The following CDH1 variants were observed in gnomAD, a reference collection of about 807,000 sequenced individuals.
CDH1 encodes cadherin 1, also known as cadherin-1.
CDH1 carries 35 observed loss-of-function variants against 84.5 expected under a neutral mutation model. That is an observed-to-expected ratio of 0.41 (90% confidence interval 0.32 to 0.55). CDH1 has a LOEUF of 0.55. CDH1 is among the 20% of genes least tolerant of loss of function. The pLI is 0.19. For synonymous variants in CDH1, 417 were observed against 439.0 expected (o/e 0.95, Z 0.63); for missense variants, 994 against 1,126.6 (o/e 0.88, Z 1.68).
rs1961580148 is a variant in CDH1 at position 68,834,294 on chromosome 16, C to T, written c.*795C>T. 1 of 511,510 alleles carries T rather than the reference C, an allele frequency of 2.0e-6. No homozygotes were observed. The highest frequency in any genetic ancestry group is 3.8e-6 in the Non-Finnish European group (1 of 260,738). 31.7% of individuals were successfully genotyped at this position (511,510 alleles called of 1,614,324 possible). On this transcript the variant is annotated 3_prime_UTR_variant, in exon 16 of 16. Transcript: ENST00000261769. ...TGCCATTTTTTAAGAGACAGTTTCGCTCCATCGCCCAGGCCTGGGATGCAG... is the reference window on the plus strand; with the variant it reads ...TGCCATTTTTTAAGAGACAGTTTCGTTCCATCGCCCAGGCCTGGGATGCAG...
chr16:68,759,413 G>T (rs115533988), intron 2 of CDH1, among the ~76,000 whole-genome samples: 212 of 151,416 alleles, frequency 1.4e-3, no homozygotes, highest in African/African-American at 5.1e-3. Context: ...AACTGTTCAT[G>T]TATGATCTTG....
rs894091133 is a variant in CDH1, at chr16:68,829,850, G to A, written c.2439+53G>A. ...CATGGCTCATCTCTAAGCTCAGGAGGAGTTGTGTCAAAAATGAGAAAAAGA... is the reference window on the plus strand; with the variant it reads ...CATGGCTCATCTCTAAGCTCAGGAGAAGTTGTGTCAAAAATGAGAAAAAGA... On this transcript the variant is annotated intron_variant, in intron 15 of 15. Coordinates refer to ENST00000261769, the MANE Select transcript of CDH1 (RefSeq NM_004360.5). The A allele has an allele frequency of 5.0e-5, 79 of 1,572,614 alleles. No homozygotes were observed. Among genetic ancestry groups the A allele is most frequent in the Middle Eastern group, 1.7e-4 (1 of 5,910 alleles).
At position 68,745,545 on chromosome 16, in the gene CDH1, A is replaced by T. The variant is rs1205283261; in HGVS notation, c.163+7134A>T. Among the ~76,000 whole-genome samples, 174 of 19,442 alleles carry T rather than the reference A, an allele frequency of 8.9e-3. 1 individual carries two copies. The highest frequency in any genetic ancestry group is 0.015 in the African/African-American group (145 of 9,378). The allele number at this position is 19,442 out of a possible 152,430, so 12.8% of individuals were successfully genotyped here. A position where few individuals can be genotyped will look rare whatever the true frequency, so the allele number is the denominator to read the frequency against. On this transcript the variant is annotated intron_variant, in intron 2 of 15. Coordinates refer to ENST00000261769, the MANE Select transcript of CDH1 (RefSeq NM_004360.5). ...AGAGATCCTGTCTCAAAAAAAAAAA[A>T]AAAAATATATATATATATGTATATA...
chr16:68,823,635 A>C lies in CDH1; in HGVS notation c.2164+9A>C, dbSNP rs1596966209. 4 of 1,578,728 alleles carry C rather than the reference A, an allele frequency of 2.5e-6. No individual in the cohort carries two copies. The highest frequency in any genetic ancestry group is 3.5e-6 in the Non-Finnish European group (4 of 1,152,230). On this transcript the variant is annotated intron_variant, in intron 13 of 15. Coordinates refer to ENST00000261769, the MANE Select transcript of CDH1 (RefSeq NM_004360.5). The stretch of plus-strand genomic sequence containing the variant: ...AATTCTTGCTTTGCTAAGTAAGTCC[A>C]GCTGGCAAGTGACTCAGCCTTTGAC...
At position 68,773,500 on chromosome 16, in the gene CDH1, T is replaced by C. The variant is rs555110970; in HGVS notation, c.164-28170T>C. Reference sequence around the variant, plus strand: ...TTTTAGTACAGACGGGGTTTCGCCATGTTGGCCAGGCTGGTCTCGAACTCC... The same window carrying C: ...TTTTAGTACAGACGGGGTTTCGCCACGTTGGCCAGGCTGGTCTCGAACTCC... On this transcript the variant is annotated intron_variant, in intron 2 of 15. Transcript: ENST00000261769. Among the ~76,000 whole-genome samples the C allele has an allele frequency of 3.3e-5, 5 of 152,312 alleles. No homozygotes were observed. The East Asian group carries it at 9.7e-4, about 29-fold the overall frequency.
At chr16:68,769,554 C>T (rs1959488643) in intron 2 of CDH1, among the ~76,000 whole-genome samples, 1 of 151,932 alleles carries the variant, frequency 6.6e-6, no homozygotes, top group Non-Finnish European at 1.5e-5. Context: ...AGAGATCCTC[C>T]CGCTTCAGTC....
chr16:68,766,591 A>G (rs1959395777), intron 2 of CDH1, among the ~76,000 whole-genome samples: 1 of 152,250 alleles, frequency 6.6e-6, no homozygotes, highest in African/African-American at 2.4e-5. Flanking sequence ...AATTACAATT[A>G]GTTATTACTG....
At chr16:68,760,111 T>G (rs1263852632) in intron 2 of CDH1, among the ~76,000 whole-genome samples, 1 of 147,860 alleles carries the variant, frequency 6.8e-6, no homozygotes, top group Non-Finnish European at 1.5e-5. Context: ...TTAATTTTTT[T>G]TTTTTGAGAT....
intron 2 of CDH1, among the ~76,000 whole-genome samples, chr16:68,789,355 TC>T (rs1444940395): frequency 6.6e-6 from 1 of 151,764 alleles, no homozygotes; most frequent in Admixed American, 6.6e-5. Flanking sequence ...TAGAATAATG[TC>T]CAGAACCTAA....
chr16:68,810,933 C>T (rs8059087), intron 6 of CDH1, among the ~76,000 whole-genome samples: 148,787 of 152,008 alleles, frequency 0.98, 72,834 homozygotes, highest in East Asian at 1. Flanking sequence ...TTCAAACTCC[C>T]GGGCCCAAGC....
chr16:68,783,406 AAAAAAG>A (rs1403869324), intron 2 of CDH1, among the ~76,000 whole-genome samples: 5 of 133,984 alleles, frequency 3.7e-5, no homozygotes, highest in Non-Finnish European at 6.6e-5. Context: ...AAAAAAAAAG[AAAAAAG>A]AAAAAAAGAA....
chr16:68,824,859 A>C (rs1011570662), intron 13 of CDH1, among the ~76,000 whole-genome samples: 4 of 152,244 alleles, frequency 2.6e-5, no homozygotes, highest in African/African-American at 4.8e-5. Context: ...CAAAAGACAA[A>C]GTATCCATAT....
chr16:68,815,510 T>A lies in CDH1; in HGVS notation c.1321-5T>A. ...GTTTTTAACTTCATTGTTTCTGCTCTCTAGGGCTTGGATTTTGAGGCCAAG... is the reference window on the plus strand; with the variant it reads ...GTTTTTAACTTCATTGTTTCTGCTCACTAGGGCTTGGATTTTGAGGCCAAG... On this transcript the variant is annotated splice_region_variant and splice_polypyrimidine_tract_variant and intron_variant, in intron 9 of 15. Transcript: ENST00000261769. The A allele has an allele frequency of 6.2e-7, 1 of 1,614,224 alleles. No homozygotes were observed.
At chr16:68,816,183 A>G (rs1458865644) in intron 10 of CDH1, among the ~76,000 whole-genome samples, 1 of 152,066 alleles carries the variant, frequency 6.6e-6, no homozygotes, top group East Asian at 1.9e-4. Context: ...ACGCCCGGCT[A>G]ATTTTTGTAT....
chr16:68,832,833 A>C (rs1961520367), intron 15 of CDH1, among the ~76,000 whole-genome samples: 2 of 152,138 alleles, frequency 1.3e-5, no homozygotes, highest in Non-Finnish European at 2.9e-5. Context: ...AAAAAAAAGA[A>C]AAAGAAAAAA....
At chr16:68,744,175 G>C (rs1962664338) in intron 2 of CDH1, among the ~76,000 whole-genome samples, 1 of 152,136 alleles carries the variant, frequency 6.6e-6, no homozygotes, top group Non-Finnish European at 1.5e-5. Context: ...TATGGACTTG[G>C]TCCAGCCCTT....
At chr16:68,787,107 T>C (rs903888048) in intron 2 of CDH1, among the ~76,000 whole-genome samples, 13 of 152,240 alleles carry the variant, frequency 8.5e-5, no homozygotes, top group Non-Finnish European at 1.0e-4. Flanking sequence ...TTGGAAAATG[T>C]GGCCCTAGAT....
intron 15 of CDH1, among the ~76,000 whole-genome samples, chr16:68,831,505 G>A (rs1336464534): frequency 2.6e-5 from 4 of 151,442 alleles, no homozygotes; most frequent in Non-Finnish European, 5.9e-5. Context: ...AAAGAAACCA[G>A]TTTAACCATG....
chr16:68,740,476 A>T lies in CDH1; in HGVS notation c.163+2065A>T, dbSNP rs141924528. 7.3e-3 allele frequency among the ~76,000 whole-genome samples: 1,102 copies of T among 151,936 alleles called. 11 individuals are homozygous for T. The highest frequency in any genetic ancestry group is 0.025 in the African/African-American group (1,051 of 41,452). ...ATTGGATATTTTGATGTCAGTGGGC[A>T]TTGAGGAGTGGCTTCTCGGGGAAGG... On this transcript the variant is annotated intron_variant, in intron 2 of 15. Coordinates refer to ENST00000261769, the MANE Select transcript of CDH1 (RefSeq NM_004360.5).
Sources: gnomAD v4.1 joint callset for allele counts (sites outside exome capture counted in the v4.1 genomes callset) on GRCh38, gnomAD v4.1.1 for gene constraint, MANE v1.5 for transcripts, NCBI Gene and HGNC (gene_info 2026-07-23, HGNC 2026-07-21) for gene names.